Variants in KATNIP observed in about 807,000 individuals in gnomAD.
The protein encoded by KATNIP is katanin-interacting protein.
In KATNIP, 126 loss-of-function variants were observed where a neutral mutation model predicts 174.0. That is an observed-to-expected ratio of 0.72 (90% CI 0.63 to 0.84). The LOEUF is 0.84. Among genes scored for constraint, KATNIP ranks in the 40% least tolerant of loss-of-function variants. The pLI is 0.00. For synonymous variants in KATNIP, 810 were observed against 835.7 expected (o/e 0.97, Z 0.53); for missense variants, 1,958 against 2,109.7 (o/e 0.93, Z 1.41).
intron 5 of KATNIP, among the ~76,000 whole-genome samples, chr16:27,633,879 A>T (rs1268619960): frequency 6.6e-6 from 1 of 152,192 alleles, no homozygotes; most frequent in Non-Finnish European, 1.5e-5. Flanking sequence ...CTGCCTCCCC[A>T]CAGGGGCATC....
Position 27,582,132 on chromosome 16 carries a change from T to G in KATNIP, c.63+8176T>G, listed in dbSNP as rs552476736. On this transcript the variant is annotated intron_variant, in intron 2 of 27. Coordinates refer to ENST00000261588, the MANE Select transcript of KATNIP (RefSeq NM_015202.5). Reference sequence around the variant, plus strand: ...TGATTACAGAAAAGACAGGTGACTTTTCTGTGAGTTTCAGACTCCACTAGC... The same window carrying G: ...TGATTACAGAAAAGACAGGTGACTTGTCTGTGAGTTTCAGACTCCACTAGC... Among the ~76,000 whole-genome samples, 21 of 152,294 alleles carry G rather than the reference T, an allele frequency of 1.4e-4. No homozygotes were observed. The South Asian group carries it at 4.1e-3, about 30-fold the overall frequency.
intron 2 of KATNIP, among the ~76,000 whole-genome samples, chr16:27,601,880 G>A (rs1198698435): frequency 2.6e-5 from 4 of 152,166 alleles, no homozygotes; most frequent in African/African-American, 9.7e-5. Flanking sequence ...CTGGGCTGGT[G>A]GTGATAGATG....
chr16:27,760,465 G>T (rs1201113228), intron 18 of KATNIP, among the ~76,000 whole-genome samples: 20 of 152,168 alleles, frequency 1.3e-4, no homozygotes, highest in Admixed American at 1.3e-3. Context: ...ACTTCTAAAT[G>T]GTCTCTGATC....
chr16:27,577,927 G>A (rs1567454535), intron 2 of KATNIP, among the ~76,000 whole-genome samples: 1 of 152,140 alleles, frequency 6.6e-6, no homozygotes, highest in Non-Finnish European at 1.5e-5. Context: ...ATTATAACGT[G>A]TAGCAGTTTG....
chr16:27,628,475 C>T lies in KATNIP; in HGVS notation c.141-186C>T, dbSNP rs184061971. ...GTAGGGCCCCAAACTGTCTGCCCCT[C>T]GTGGCTTCTCTAAGTGGGTAATGGG... On this transcript the variant is annotated intron_variant, in intron 3 of 27. Coordinates refer to ENST00000261588, the MANE Select transcript of KATNIP (RefSeq NM_015202.5). The T allele has an allele frequency of 3.7e-4, 225 of 603,920 alleles. 1 individual carries two copies. Among genetic ancestry groups the T allele is most frequent in the Middle Eastern group, 1.8e-3 (4 of 2,218 alleles). The allele number at this position is 603,920 out of a possible 1,614,324, so 37.4% of individuals were successfully genotyped here. A position where few individuals can be genotyped will look rare whatever the true frequency, so the allele number is the denominator to read the frequency against.
intron 2 of KATNIP, among the ~76,000 whole-genome samples, chr16:27,585,262 T>C (rs1258359652): frequency 6.6e-6 from 1 of 151,614 alleles, no homozygotes; most frequent in Non-Finnish European, 1.5e-5. Context: ...ATGGCTTTTA[T>C]TCAAAAGACA....
intron 1 of KATNIP, among the ~76,000 whole-genome samples, chr16:27,559,267 C>G (rs994352506): frequency 3.3e-5 from 5 of 152,230 alleles, no homozygotes; most frequent in African/African-American, 1.2e-4. Context: ...TATAGAATTT[C>G]TCTGGGGAAT....
chr16:27,766,572 C>A, intron 20 of KATNIP, 98 bp downstream of exon 20: 1 of 1,286,004 alleles, frequency 7.8e-7, no homozygotes, highest in Non-Finnish European at 1.1e-6. Context: ...ATAAATCCTC[C>A]AGAATTTTCC....
At chr16:27,711,527 G>A (rs1044301495) in intron 13 of KATNIP, among the ~76,000 whole-genome samples, 2 of 152,184 alleles carry the variant, frequency 1.3e-5, no homozygotes, top group African/African-American at 2.4e-5. Flanking sequence ...CGGTTAGCTG[G>A]TTGGTTTGTC....
chr16:27,767,879 C>T (rs2082176535), intron 20 of KATNIP, among the ~76,000 whole-genome samples: 1 of 152,178 alleles, frequency 6.6e-6, no homozygotes, highest in African/African-American at 2.4e-5. Flanking sequence ...CTGGGTTCAA[C>T]ACATTGAAGA....
At chr16:27,566,370 C>T (rs190169600) in intron 1 of KATNIP, among the ~76,000 whole-genome samples, 1 of 152,228 alleles carries the variant, frequency 6.6e-6, no homozygotes, top group Admixed American at 6.5e-5. Flanking sequence ...AAAACCCAGT[C>T]TCTACTAATT....
intron 14 of KATNIP, among the ~76,000 whole-genome samples, chr16:27,739,220 T>G (rs928986381): frequency 6.6e-6 from 1 of 152,032 alleles, no homozygotes; most frequent in Admixed American, 6.6e-5. Context: ...GAGGGACAGC[T>G]GGCGGATTGG....
In KATNIP at chr16:27,661,993, C is replaced by T. The variant is rs8053696; in HGVS notation, c.540+13258C>T. ...ATATATATATATATATATACACATA[C>T]ATATATATATATATATATATATACA... On this transcript the variant is annotated intron_variant, in intron 6 of 27. Transcript: ENST00000261588. Among the ~76,000 whole-genome samples the T allele has an allele frequency of 2.7e-3, 15 of 5,492 alleles. 2 individuals carry two copies. Among genetic ancestry groups the T allele is most frequent in the African/African-American group, 0.011 (10 of 922 alleles). 3.6% of individuals were successfully genotyped at this position (5,492 alleles called of 152,430 possible).
At position 27,580,638 on chromosome 16, in the gene KATNIP, G is replaced by A. The variant is rs189746149; in HGVS notation, c.63+6682G>A. On this transcript the variant is annotated intron_variant, in intron 2 of 27. Transcript: ENST00000261588. The stretch of plus-strand genomic sequence containing the variant: ...AGGTATGCAGCTATGCAGAACATAT[G>A]CTTTGTCTCCTTTACCCACCCATCC... Among the ~76,000 whole-genome samples, 77 of 151,404 alleles carry A rather than the reference G, an allele frequency of 5.1e-4. 1 individual carries two copies. In the East Asian group the frequency reaches 0.01, roughly 21 times the overall value.
intron 3 of KATNIP, 113 bp from the exon 4 acceptor site, chr16:27,628,548 G>A: frequency 8.6e-7 from 1 of 1,158,990 alleles, no homozygotes; most frequent in Non-Finnish European, 1.2e-6. Flanking sequence ...ACGCCCCCTG[G>A]GCTCTGATTA....
At chr16:27,671,119 G>T (rs1245995120) in intron 6 of KATNIP, among the ~76,000 whole-genome samples, 2 of 152,190 alleles carry the variant, frequency 1.3e-5, no homozygotes, top group African/African-American at 4.8e-5. Context: ...CTTGAACCCA[G>T]GAGGCAGAGG....
intron 22 of KATNIP, among the ~76,000 whole-genome samples, chr16:27,772,832 C>T (rs2082354528): frequency 6.6e-6 from 1 of 152,176 alleles, no homozygotes; most frequent in Non-Finnish European, 1.5e-5. Context: ...AATACACACA[C>T]ACACGGGCAC....
At chr16:27,582,365 A>C (rs2090731963) in intron 2 of KATNIP, among the ~76,000 whole-genome samples, 1 of 152,216 alleles carries the variant, frequency 6.6e-6, no homozygotes, top group Non-Finnish European at 1.5e-5. Flanking sequence ...CCAACTCTGC[A>C]CTTTTACGGG....
chr16:27,776,569 G>C lies in KATNIP; in HGVS notation c.4450-359G>C, dbSNP rs960665563. Among the ~76,000 whole-genome samples, 6 of 152,156 alleles carry C rather than the reference G, an allele frequency of 3.9e-5. No homozygotes were observed. The highest frequency in any genetic ancestry group is 7.3e-5 in the Non-Finnish European group (5 of 68,032). On this transcript the variant is annotated intron_variant, in intron 24 of 27. Transcript: ENST00000261588. This position sits in a 1 kb window ranked among gnomAD's most constrained non-coding sequence, Gnocchi z 4.7. ...ATGGCTGGTGCTCAACCCGAGTTGG[G>C]GACTGTCCCTTTAGCTCATGGGGCT...
Sources: gnomAD v4.1 joint callset for allele counts (sites outside exome capture counted in the v4.1 genomes callset) on GRCh38, gnomAD v4.1.1 for gene constraint, Gnocchi (gnomAD v3.1) non-coding constraint, MANE v1.5 for transcripts, NCBI Gene and HGNC (gene_info 2026-07-23, HGNC 2026-07-21) for gene names.